NR3C2: variants seen among roughly 807,000 people sequenced by gnomAD.
NR3C2 encodes nuclear receptor subfamily 3 group C member 2, also known as mineralocorticoid receptor.
In NR3C2, 15 loss-of-function variants were observed where a neutral mutation model predicts 86.4. The ratio of observed to expected loss-of-function variants is 0.17; its 90% CI spans 0.12 to 0.27. NR3C2 has a LOEUF of 0.27. Ranked by LOEUF, NR3C2 falls within the 10% of genes least tolerant of loss-of-function variation. The pLI is 1.00. For synonymous variants in NR3C2, 458 were observed against 450.5 expected (o/e 1.02, Z -0.21); for missense variants, 960 against 1,195.6 (o/e 0.80, Z 2.91).
chr4:148,372,011 G>C (rs1447910980), intron 2 of NR3C2, among the ~76,000 whole-genome samples: 1 of 152,056 alleles, frequency 6.6e-6, no homozygotes, highest in Non-Finnish European at 1.5e-5. Flanking sequence ...AGTCAGAACA[G>C]AAATAACAAG....
At chr4:148,273,871 C>T (rs1396095664) in intron 2 of NR3C2, among the ~76,000 whole-genome samples, 1 of 152,108 alleles carries the variant, frequency 6.6e-6, no homozygotes, top group Admixed American at 6.6e-5. Context: ...CTGCAGTGTG[C>T]ACAGGGGGGT....
chr4:148,341,842 C>A (rs1320985975), intron 2 of NR3C2, among the ~76,000 whole-genome samples: 1 of 152,146 alleles, frequency 6.6e-6, no homozygotes, highest in Non-Finnish European at 1.5e-5. Context: ...AATATATTCA[C>A]TTATTTTTAA....
At chr4:148,360,186 CTTTCTTATCA>C (rs1745769308) in intron 2 of NR3C2, among the ~76,000 whole-genome samples, 1 of 152,158 alleles carries the variant, frequency 6.6e-6, no homozygotes, top group African/African-American at 2.4e-5. Flanking sequence ...CTACTTTATA[CTTTCTTATCA>C]TTTTGCTTAT....
chr4:148,422,057 CTATGCT>C (rs1362488809), intron 2 of NR3C2, among the ~76,000 whole-genome samples: 1 of 152,084 alleles, frequency 6.6e-6, no homozygotes, highest in Non-Finnish European at 1.5e-5. Flanking sequence ...TGAAAGGTTG[CTATGCT>C]TATAACTCCT....
chr4:148,147,971 C>T (rs1490381132), intron 6 of NR3C2, among the ~76,000 whole-genome samples: 1 of 151,566 alleles, frequency 6.6e-6, no homozygotes, highest in Non-Finnish European at 1.5e-5. Flanking sequence ...CATGTGACGA[C>T]ATTTGTCCTT....
rs1333594209 is a variant in NR3C2 at position 148,097,744 on chromosome 4, TTTTTTTG to T, written c.2800-16252_2800-16246del. ...AAACATGATGAGACTTTTTTGCGTT[TTTTTTTG>T]TTTTTTTTTTTTTTTTTAAGCTCAT... On this transcript the variant is annotated intron_variant, in intron 8 of 8. Coordinates refer to ENST00000358102, the MANE Select transcript of NR3C2 (RefSeq NM_000901.5). Among the ~76,000 whole-genome samples, 171 of 113,690 alleles carry T rather than the reference TTTTTTTG, an allele frequency of 1.5e-3. 1 individual carries two copies. Among genetic ancestry groups the T allele is most frequent in the African/African-American group, 8.9e-3 (158 of 17,686 alleles). 74.6% of individuals were successfully genotyped at this position (113,690 alleles called of 152,430 possible). A position where few individuals can be genotyped will look rare whatever the true frequency, so the allele number is the denominator to read the frequency against.
chr4:148,175,489 C>G (rs962269176), intron 4 of NR3C2, among the ~76,000 whole-genome samples: 23 of 152,144 alleles, frequency 1.5e-4, no homozygotes, highest in Admixed American at 1.0e-3. Context: ...TCCACAAAAG[C>G]TTTTGAATTT....
intron 4 of NR3C2, among the ~76,000 whole-genome samples, chr4:148,179,482 A>T (rs1388519275): frequency 6.6e-6 from 1 of 151,776 alleles, no homozygotes; most frequent in Non-Finnish European, 1.5e-5. Flanking sequence ...TTAAAAAGAC[A>T]TAAGAAAAGC....
chr4:148,412,788 T>C (rs1464677745), intron 2 of NR3C2, among the ~76,000 whole-genome samples: 1 of 150,802 alleles, frequency 6.6e-6, no homozygotes. Flanking sequence ...ACTGTGAATA[T>C]GCACATACGT....
chr4:148,154,528 T>C (rs763260473), intron 5 of NR3C2, 23 bp downstream of exon 5: 1 of 1,609,252 alleles, frequency 6.2e-7, no homozygotes, highest in Non-Finnish European at 8.5e-7. Flanking sequence ...GGATGCAGCC[T>C]GTGAAAGGAG....
rs900641561 is a variant in NR3C2 at position 148,078,818 on chromosome 4, CAT to C, written c.*2524_*2525del. 1 of 152,544 alleles carries C rather than the reference CAT, an allele frequency of 6.6e-6. No homozygotes were observed. The highest frequency in any genetic ancestry group is 1.9e-4 in the East Asian group (1 of 5,196). The allele number at this position is 152,544 out of a possible 1,614,324, so 9.4% of individuals were successfully genotyped here. On this transcript the variant is annotated 3_prime_UTR_variant, in exon 9 of 9. Coordinates refer to ENST00000358102, the MANE Select transcript of NR3C2 (RefSeq NM_000901.5). ...GCTTACAGTCCTTTGCAAAGACAGA[CAT>C]ATGTTTTTGCATAAAGATATAAATT...
chr4:148,253,465 A>C (rs1739675087), intron 3 of NR3C2, among the ~76,000 whole-genome samples: 1 of 152,200 alleles, frequency 6.6e-6, no homozygotes, highest in Admixed American at 6.5e-5. Context: ...CACGTGTGCC[A>C]CGCATGCACT....
At position 148,154,684 on chromosome 4, in the gene NR3C2, G is replaced by A. The variant is rs763905858; in HGVS notation, c.2232C>T (p.Asn744=). 3 of 1,614,044 alleles carry A rather than the reference G, an allele frequency of 1.9e-6. No homozygotes were observed. Among genetic ancestry groups the A allele is most frequent in the South Asian group, 1.1e-5 (1 of 91,080 alleles). Residue 744 remains asparagine (N), a synonymous_variant, in exon 5 of 9, where the codon AAC becomes AAT. Coordinates refer to ENST00000358102, the MANE Select transcript of NR3C2 (RefSeq NM_000901.5). ...LTPSPVMVLE[N]IEPEIVYAGY... ...CTGCATATACAATTTCAGGTTCAAT[G>A]TTTTCAAGGACCATAACGGGGGAAG...
chr4:148,330,884 C>T (rs1365597247), intron 2 of NR3C2, among the ~76,000 whole-genome samples: 1 of 152,118 alleles, frequency 6.6e-6, no homozygotes, highest in African/African-American at 2.4e-5. Flanking sequence ...GTCCTTCCCC[C>T]TCTGTCTTGC....
At chr4:148,397,970 G>A (rs73857006) in intron 2 of NR3C2, among the ~76,000 whole-genome samples, 5,109 of 152,164 alleles carry the variant, frequency 0.034, 281 homozygotes, top group African/African-American at 0.11. Context: ...AGGCTCTGGG[G>A]GAGACCTTCC....
At chr4:148,410,179 A>C (rs1490369927) in intron 2 of NR3C2, among the ~76,000 whole-genome samples, 1 of 152,240 alleles carries the variant, frequency 6.6e-6, no homozygotes, top group Non-Finnish European at 1.5e-5. Flanking sequence ...TTGTATGTAC[A>C]TGTAAATTTC....
At chr4:148,384,180 A>T (rs1401206102) in intron 2 of NR3C2, among the ~76,000 whole-genome samples, 2 of 152,000 alleles carry the variant, frequency 1.3e-5, no homozygotes, top group African/African-American at 2.4e-5. Context: ...CATATTTTCT[A>T]TTACCAAAAA....
At chr4:148,262,273 T>C (rs747320654) in intron 2 of NR3C2, among the ~76,000 whole-genome samples, 4 of 152,160 alleles carry the variant, frequency 2.6e-5, no homozygotes, top group Admixed American at 6.5e-5. Context: ...GATCTTACCT[T>C]CAGTCTTTGG....
At chr4:148,420,865 TG>T (rs1251309323) in intron 2 of NR3C2, among the ~76,000 whole-genome samples, 2 of 152,188 alleles carry the variant, frequency 1.3e-5, no homozygotes, top group Non-Finnish European at 2.9e-5. Flanking sequence ...GTAAAATGCC[TG>T]GCTCCCCTTT....
Sources: allele counts gnomAD v4.1 joint callset (sites outside exome capture counted in the v4.1 genomes callset), GRCh38; gene constraint gnomAD v4.1.1; transcripts MANE v1.5; gene names NCBI Gene and HGNC (gene_info 2026-07-23, HGNC 2026-07-21).